The following CHN2 variants were observed in gnomAD, a reference collection of about 807,000 sequenced individuals.
CHN2 encodes the protein chimerin 2, also known as beta-chimaerin.
Under a neutral mutation model 56.3 loss-of-function variants are expected in CHN2, and 35 were observed. The ratio of observed to expected loss-of-function variants is 0.62; its 90% confidence interval spans 0.47 to 0.82. CHN2 has a LOEUF of 0.82. CHN2 is among the 40% of genes least tolerant of loss of function. The pLI is 0.00. For missense variants in CHN2, 491 were observed against 580.5 expected, an observed-to-expected ratio of 0.85 and a Z score of 1.58; for synonymous variants, 210 against 212.8, an observed-to-expected ratio of 0.99 and a Z score of 0.12.
chr7:29,344,730 C>G (rs936103672), intron 1 of CHN2, among the ~76,000 whole-genome samples: 9 of 152,064 alleles, frequency 5.9e-5, no homozygotes, highest in African/African-American at 2.2e-4. Context: ...AGGCCTTGCT[C>G]TTAGGTTTCA....
At chr7:29,324,459 T>C (rs1027616713) in intron 1 of CHN2, among the ~76,000 whole-genome samples, 1 of 151,990 alleles carries the variant, frequency 6.6e-6, no homozygotes, top group East Asian at 1.9e-4. Flanking sequence ...AAGATAGGGG[T>C]TGGGTTAGTT....
intron 1 of CHN2, among the ~76,000 whole-genome samples, chr7:29,238,780 G>A (rs1787407624): frequency 2.0e-5 from 3 of 152,204 alleles, no homozygotes; most frequent in Admixed American, 1.3e-4. Context: ...TGGATATCTG[G>A]GGAAAGAACA....
At chr7:29,176,795 G>A (rs1177557019) in intron 2 of CHN2, among the ~76,000 whole-genome samples, 3 of 152,088 alleles carry the variant, frequency 2.0e-5, no homozygotes, top group Non-Finnish European at 4.4e-5. Flanking sequence ...AATACTAGAA[G>A]GAAGAGCATA....
chr7:29,401,055 T>G (rs1047043260), intron 6 of CHN2: 1 of 531,910 alleles, frequency 1.9e-6, no homozygotes, highest in African/African-American at 1.9e-5. Flanking sequence ...GATCACGAGG[T>G]CAGGAGATAG....
chr7:29,265,039 C>T (rs1790021705), intron 1 of CHN2, among the ~76,000 whole-genome samples: 1 of 152,032 alleles, frequency 6.6e-6, no homozygotes, highest in South Asian at 2.1e-4. Context: ...CATTGTGGAG[C>T]CTTTGGGCAA....
At chr7:29,442,904 A>AT (rs2128124976) in intron 6 of CHN2, among the ~76,000 whole-genome samples, 1 of 142,668 alleles carries the variant, frequency 7.0e-6, no homozygotes, top group African/African-American at 2.6e-5. Context: ...TCTCCACTTA[A>AT]TCCCCATCGC....
intron 6 of CHN2, among the ~76,000 whole-genome samples, chr7:29,405,844 G>A (rs541003599): frequency 3.0e-4 from 45 of 152,090 alleles, no homozygotes; most frequent in Admixed American, 1.7e-3. Flanking sequence ...TTCATTGGTT[G>A]TTTCACTGTT....
chr7:29,273,365 A>ATATGTG (rs1554387258), intron 1 of CHN2, among the ~76,000 whole-genome samples: 16 of 52,122 alleles, frequency 3.1e-4, no homozygotes, highest in South Asian at 8.1e-4. Flanking sequence ...ATATATATAT[A>ATATGTG]TATATATATA....
chr7:29,255,040 A>G (rs1234176148), intron 1 of CHN2, among the ~76,000 whole-genome samples: 1 of 152,140 alleles, frequency 6.6e-6, no homozygotes, highest in East Asian at 1.9e-4. Flanking sequence ...AGACCAGGGG[A>G]ACACAGGAAA....
At chr7:29,298,397 C>CG (rs34717157) in intron 1 of CHN2, among the ~76,000 whole-genome samples, 117 of 152,092 alleles carry the variant, frequency 7.7e-4, no homozygotes, top group Non-Finnish European at 1.3e-3. Flanking sequence ...AAATGTGTTT[C>CG]GGGGGGGTTG....
intron 6 of CHN2, among the ~76,000 whole-genome samples, chr7:29,472,449 T>C (rs185766954): frequency 3.9e-5 from 6 of 152,340 alleles, no homozygotes; most frequent in African/African-American, 9.6e-5. Flanking sequence ...TACGAATGGC[T>C]GCAGCATTTT....
chr7:29,293,647 C>T (rs1792860192), intron 1 of CHN2, among the ~76,000 whole-genome samples: 1 of 152,164 alleles, frequency 6.6e-6, no homozygotes, highest in Non-Finnish European at 1.5e-5. Flanking sequence ...TGCTGTGCCT[C>T]CTGCTTCGAA....
At chr7:29,409,889 C>T (rs1803041356) in intron 6 of CHN2, among the ~76,000 whole-genome samples, 1 of 152,174 alleles carries the variant, frequency 6.6e-6, no homozygotes, top group African/African-American at 2.4e-5. Flanking sequence ...TGTCCCACCA[C>T]TTTTATCACC....
intron 1 of CHN2, among the ~76,000 whole-genome samples, chr7:29,352,184 C>A (rs535266295): frequency 1.3e-5 from 2 of 152,132 alleles, no homozygotes; most frequent in Non-Finnish European, 1.5e-5. Context: ...GTCTTGAGAC[C>A]TTCCCCGAGT....
intron 6 of CHN2, among the ~76,000 whole-genome samples, chr7:29,414,441 T>G (rs191558791): frequency 5.3e-4 from 80 of 152,218 alleles, no homozygotes; most frequent in Non-Finnish European, 6.8e-4. Context: ...GGCTTTCAGT[T>G]TGTCACCTTC....
chr7:29,397,063 G>C (rs537101148), intron 4 of CHN2: 3 of 152,328 alleles, frequency 2.0e-5, no homozygotes, highest in East Asian at 3.9e-4. Flanking sequence ...GACATCAGCT[G>C]TTGAGATTTA....
intron 1 of CHN2, among the ~76,000 whole-genome samples, chr7:29,327,658 G>T (rs1795913241): frequency 6.6e-6 from 1 of 152,072 alleles, no homozygotes; most frequent in Admixed American, 6.5e-5. Context: ...ATGACGCGGT[G>T]CTCCCATATT....
chr7:29,224,744 T>C (rs1360961395), intron 1 of CHN2, among the ~76,000 whole-genome samples: 2 of 152,254 alleles, frequency 1.3e-5, no homozygotes, highest in African/African-American at 4.8e-5. Context: ...AATAATCTTA[T>C]AGTTGCTAAA....
intron 1 of CHN2, among the ~76,000 whole-genome samples, chr7:29,324,221 G>A (rs1193104439): frequency 2.6e-5 from 4 of 152,158 alleles, no homozygotes; most frequent in Non-Finnish European, 5.9e-5. Context: ...ATTTGCAGGA[G>A]TAGTTGAAGT....
Sources: allele counts gnomAD v4.1 joint callset (sites outside exome capture counted in the v4.1 genomes callset), GRCh38; gene constraint gnomAD v4.1.1; transcripts MANE v1.5; gene names NCBI Gene and HGNC (gene_info 2026-07-23, HGNC 2026-07-21).